MCPH1: variants seen among roughly 807,000 people sequenced by gnomAD.
The protein encoded by MCPH1 is microcephalin 1, also known as microcephalin.
A neutral mutation model predicts 84.5 loss-of-function variants in MCPH1; 104 were observed. The ratio of observed to expected loss-of-function variants is 1.23; its 90% confidence interval spans 1.05 to 1.45. The LOEUF (loss-of-function observed/expected upper bound fraction) is 1.45. Ranked by LOEUF, MCPH1 falls within the 40% of genes most tolerant of loss-of-function variation. MCPH1 has a pLI of 0.00. For synonymous variants in MCPH1, 514 were observed against 366.8 expected, an observed-to-expected ratio of 1.40 and a Z score of -4.58; for missense variants, 1,498 against 1,005.7, an observed-to-expected ratio of 1.49 and a Z score of -6.62.
intron 3 of MCPH1, 69 bp downstream of exon 3, chr8:6,414,952 A>G: frequency 6.5e-7 from 1 of 1,529,344 alleles, no homozygotes; most frequent in Non-Finnish European, 9.0e-7. Flanking sequence ...GATATTTTTC[A>G]CAGATCGCAG....
At position 6,406,634 on chromosome 8, in the gene MCPH1, G is replaced by A. The variant is rs1379809504; in HGVS notation, c.-34G>A. 1.2e-6 allele frequency: 2 copies of A among 1,609,976 alleles called. No homozygotes were observed. The highest frequency in any genetic ancestry group is 2.2e-5 in the South Asian group (2 of 90,560). ...GCGCGCCGCCAGGCTCGCAAGCACCGCGTAGGCCAGCTGGCCGGATCCCGC... is the reference window on the plus strand; with the variant it reads ...GCGCGCCGCCAGGCTCGCAAGCACCACGTAGGCCAGCTGGCCGGATCCCGC... On this transcript the variant is annotated 5_prime_UTR_variant, in exon 1 of 14. Coordinates refer to ENST00000344683, the MANE Select transcript of MCPH1 (RefSeq NM_024596.5).
At chr8:6,426,311 A>G (rs1005509480) in intron 3 of MCPH1, among the ~76,000 whole-genome samples, 6 of 152,164 alleles carry the variant, frequency 3.9e-5, no homozygotes, top group Non-Finnish European at 8.8e-5. Flanking sequence ...TCATCACCCC[A>G]AAATCTCCTT....
At position 6,497,469 on chromosome 8, in the gene MCPH1, T is replaced by C. The variant is rs539549960; in HGVS notation, c.2137-2383T>C. On this transcript the variant is annotated intron_variant, in intron 11 of 13. Coordinates refer to ENST00000344683, the MANE Select transcript of MCPH1 (RefSeq NM_024596.5). The stretch of plus-strand genomic sequence containing the variant: ...GTGAGCCAAGATTACACCACTGTAC[T>C]CCAGCCTGGGCGACAGAGGAAGACT... Among the ~76,000 whole-genome samples, 7 of 152,240 alleles carry C rather than the reference T, an allele frequency of 4.6e-5. No individual in the cohort carries two copies. In the South Asian group the frequency reaches 1.5e-3, roughly 32 times the overall value.
Position 6,639,933 on chromosome 8 carries a change from G to A in MCPH1, c.2453-3061G>A, listed in dbSNP as rs976976464. 2.0e-4 allele frequency among the ~76,000 whole-genome samples: 30 copies of A among 152,074 alleles called. No individual in the cohort carries two copies. The South Asian group carries it at 4.1e-3, about 21-fold the overall frequency. On this transcript the variant is annotated intron_variant, in intron 13 of 13. Coordinates refer to ENST00000344683, the MANE Select transcript of MCPH1 (RefSeq NM_024596.5). Reference sequence around the variant, plus strand: ...TACTTATTTATTTTAGAAACAAGATGTCACTATGTTGCCCAGGCTGGCCTC... The same window carrying A: ...TACTTATTTATTTTAGAAACAAGATATCACTATGTTGCCCAGGCTGGCCTC...
chr8:6,586,873 C>G lies in MCPH1; in HGVS notation c.2215-34581C>G, dbSNP rs76998376. 1.6e-3 allele frequency among the ~76,000 whole-genome samples: 240 copies of G among 152,286 alleles called. 2 individuals carry two copies. The highest frequency in any genetic ancestry group is 0.011 in the Admixed American group (171 of 15,304). ...TGTCGCTGGCTTTAGTTTAAACCACCCGTAATGTAGACATCCTGACTTAGA... is the reference window on the plus strand; with the variant it reads ...TGTCGCTGGCTTTAGTTTAAACCACGCGTAATGTAGACATCCTGACTTAGA... On this transcript the variant is annotated intron_variant, in intron 12 of 13. Transcript: ENST00000344683.
rs748294629 is a variant in MCPH1, at chr8:6,621,678, G to C, written c.2439G>C (p.Glu813Asp). 1 of 1,614,216 alleles carries C rather than the reference G, an allele frequency of 6.2e-7. No individual in the cohort carries two copies. The highest frequency in any genetic ancestry group is 1.1e-5 in the South Asian group (1 of 91,064). The change falls in exon 13 of 14, where the codon GAG becomes GAC. Residue 813 changes from glutamate to aspartate, a missense_variant. Physicochemically the swap from Glu to Asp is conservative, Grantham distance 45. Coordinates refer to ENST00000344683, the MANE Select transcript of MCPH1 (RefSeq NM_024596.5). ...AAGCCACAGTCAAGTATCTGTCTGA[G>C]AAATGGGTCTTAGGTAAGAATCCAG... ...KKKATVKYLS[E>D]KWVLDSITQH...
rs1313573568 is a variant in MCPH1, at chr8:6,556,957, G to T, written c.2214+57028G>T. ...ACCAACACTGCCTGGACATGTGAAG[G>T]CACTCGATAAATATTTTTTGAACAA... On this transcript the variant is annotated intron_variant, in intron 12 of 13. Coordinates refer to ENST00000344683, the MANE Select transcript of MCPH1 (RefSeq NM_024596.5). Among the ~76,000 whole-genome samples, 3 of 152,150 alleles carry T rather than the reference G, an allele frequency of 2.0e-5. No homozygotes were observed. In the East Asian group the frequency reaches 5.8e-4, roughly 29 times the overall value.
intron 12 of MCPH1, among the ~76,000 whole-genome samples, chr8:6,572,601 G>C (rs1326192800): frequency 6.6e-6 from 1 of 152,196 alleles, no homozygotes; most frequent in Non-Finnish European, 1.5e-5. Context: ...CACACACACA[G>C]TGAAAAAATA....
intron 9 of MCPH1, among the ~76,000 whole-genome samples, chr8:6,462,167 A>G (rs1585908600): frequency 6.6e-6 from 1 of 152,334 alleles, no homozygotes; most frequent in East Asian, 1.9e-4. Flanking sequence ...ATAGTGGTTT[A>G]AAAAAATTAA....
At chr8:6,407,679 A>G (rs978001620) in intron 1 of MCPH1, among the ~76,000 whole-genome samples, 1 of 152,210 alleles carries the variant, frequency 6.6e-6, no homozygotes, top group Non-Finnish European at 1.5e-5. Flanking sequence ...ATTTTGTTAA[A>G]TTAACCTGGT....
At position 6,647,106 on chromosome 8, in the gene MCPH1, A is replaced by G. The variant is rs1370135788; in HGVS notation, c.*4057A>G. 1 of 152,230 alleles carries G rather than the reference A, an allele frequency of 6.6e-6. No individual in the cohort carries two copies. The highest frequency in any genetic ancestry group is 1.5e-5 in the Non-Finnish European group (1 of 68,040). The allele number at this position is 152,230 out of a possible 1,614,324, so 9.4% of individuals were successfully genotyped here. On this transcript the variant is annotated 3_prime_UTR_variant, in exon 14 of 14. Transcript: ENST00000344683. Reference sequence around the variant, plus strand: ...TGTAAAGAACTCATAACTCATTAATAAAAGGATAAAGAAAAAGCTGAAGAC... The same window carrying G: ...TGTAAAGAACTCATAACTCATTAATGAAAGGATAAAGAAAAAGCTGAAGAC...
Position 6,503,857 on chromosome 8 carries a change from C to A in MCPH1, c.2214+3928C>A, listed in dbSNP as rs1490530002. Among the ~76,000 whole-genome samples, 7 of 152,198 alleles carry A rather than the reference C, an allele frequency of 4.6e-5. No homozygotes were observed. In the South Asian group the frequency reaches 1.2e-3, roughly 27 times the overall value. On this transcript the variant is annotated intron_variant, in intron 12 of 13. Coordinates refer to ENST00000344683, the MANE Select transcript of MCPH1 (RefSeq NM_024596.5). ...AGCACAGGGGCTGTGGGAGTGAAGC[C>A]CCATCTGCACCTTAATTTCTGGGCT...
chr8:6,621,342 T>C, intron 12 of MCPH1, 112 bp from the exon 13 acceptor site: 1 of 1,326,170 alleles, frequency 7.5e-7, no homozygotes, highest in Non-Finnish European at 1.1e-6. Flanking sequence ...ATGGCAGCCT[T>C]ACATTCAGTC....
intron 3 of MCPH1, among the ~76,000 whole-genome samples, chr8:6,422,557 T>G (rs2129552795): frequency 6.6e-6 from 1 of 152,354 alleles, no homozygotes; most frequent in Middle Eastern, 3.4e-3. Context: ...TCTGCTTTGC[T>G]GGCCCAGCCC....
chr8:6,518,184 C>G (rs1313786648), intron 12 of MCPH1, among the ~76,000 whole-genome samples: 3 of 152,302 alleles, frequency 2.0e-5, no homozygotes, highest in East Asian at 3.9e-4. Context: ...GGCTGTCCCT[C>G]TGCATCGGTG....
At chr8:6,461,611 A>ATT (rs1211909051) in intron 9 of MCPH1, among the ~76,000 whole-genome samples, 1 of 151,852 alleles carries the variant, frequency 6.6e-6, no homozygotes, top group East Asian at 1.9e-4. Context: ...AAGTGCTGGG[A>ATT]TTACAGGCGT....
intron 12 of MCPH1, among the ~76,000 whole-genome samples, chr8:6,550,553 C>G (rs1397453505): frequency 1.3e-5 from 2 of 152,224 alleles, no homozygotes; most frequent in African/African-American, 4.8e-5. Context: ...TTTGTTCCCA[C>G]TCGGGGTGAG....
intron 9 of MCPH1, 21 bp from the exon 10 acceptor site, chr8:6,477,573 C>G: frequency 6.2e-7 from 1 of 1,607,622 alleles, no homozygotes; most frequent in Non-Finnish European, 8.5e-7. Flanking sequence ...TTTTTTGTTC[C>G]TTCTTGTTTG....
chr8:6,622,208 A>T (rs1391963676), intron 13 of MCPH1: 2 of 193,440 alleles, frequency 1.0e-5, no homozygotes, highest in Non-Finnish European at 2.2e-5. Flanking sequence ...AAGTGAGCAC[A>T]GTGTGACCGT....
Sources: allele counts gnomAD v4.1 joint callset (sites outside exome capture counted in the v4.1 genomes callset), GRCh38; gene constraint gnomAD v4.1.1; transcripts MANE v1.5; gene names NCBI Gene and HGNC (gene_info 2026-07-23, HGNC 2026-07-21).